Variants in MANBA observed in about 807,000 individuals in gnomAD.
MANBA encodes the protein mannosidase beta.
MANBA carries 83 observed loss-of-function variants against 111.1 expected under a neutral mutation model. The ratio of observed to expected loss-of-function variants is 0.75; its 90% confidence interval spans 0.63 to 0.90. The LOEUF is 0.90. Among genes scored for constraint, MANBA ranks in the 40% least tolerant of loss-of-function variants. The probability of loss-of-function intolerance (pLI) is 0.00; values close to 1 mark genes in which losing one functional copy is unlikely to be tolerated. For synonymous variants in MANBA, 370 were observed against 378.7 expected, an observed-to-expected ratio of 0.98 and a Z score of 0.27; for missense variants, 1,036 against 1,069.0, an observed-to-expected ratio of 0.97 and a Z score of 0.43.
At chr4:102,755,808 G>A (rs942269596) in intron 1 of MANBA, among the ~76,000 whole-genome samples, 74 of 152,270 alleles carry the variant, frequency 4.9e-4, no homozygotes, top group Non-Finnish European at 9.8e-4. Flanking sequence ...CAAAAAGTGG[G>A]CAAAGGATAT....
chr4:102,632,234 G>A lies in MANBA; in HGVS notation c.2463C>T (p.Thr821=). The change falls in exon 17 of 17, where the codon ACC becomes ACT. Residue 821 remains threonine (T), a synonymous_variant. Transcript: ENST00000647097. The part of the protein sequence containing the change: ...QGDIFVFDLE[T]SAVAPFVWLD... ...ACCAAACAAAGGGAGCGACAGCTGA[G>A]GTCTCCAGGTCAAAAACAAATATGT... 6.2e-7 allele frequency: 1 copy of A among 1,613,706 alleles called. No individual in the cohort carries two copies. Among genetic ancestry groups the A allele is most frequent in the Non-Finnish European group, 8.5e-7 (1 of 1,179,778 alleles).
At chr4:102,669,777 G>A (rs1560762403) in intron 9 of MANBA, among the ~76,000 whole-genome samples, 2 of 152,104 alleles carry the variant, frequency 1.3e-5, no homozygotes, top group Non-Finnish European at 2.9e-5. Flanking sequence ...TCAGGAGATC[G>A]AGACCATCCT....
At chr4:102,694,893 A>C (rs1198117461) in intron 5 of MANBA, among the ~76,000 whole-genome samples, 4 of 152,116 alleles carry the variant, frequency 2.6e-5, no homozygotes, top group African/African-American at 9.7e-5. Flanking sequence ...CAAGCAGAAG[A>C]GATTATGTTC....
chr4:102,714,360 C>T, intron 5 of MANBA, 78 bp downstream of exon 5: 1 of 1,333,008 alleles, frequency 7.5e-7, no homozygotes, highest in Non-Finnish European at 1.1e-6. Context: ...AAAAACATAC[C>T]TCTGTATTTC....
At chr4:102,652,616 T>C (rs1449087958) in intron 12 of MANBA, among the ~76,000 whole-genome samples, 2 of 152,120 alleles carry the variant, frequency 1.3e-5, no homozygotes, top group Non-Finnish European at 2.9e-5. Flanking sequence ...CCCGGCCGGA[T>C]GCAGTGTTTC....
chr4:102,673,391 C>A (rs1482471541), intron 8 of MANBA, among the ~76,000 whole-genome samples: 1 of 151,874 alleles, frequency 6.6e-6, no homozygotes, highest in African/African-American at 2.4e-5. Context: ...ACCTGTAATC[C>A]CAGCTACTTG....
intron 7 of MANBA, among the ~76,000 whole-genome samples, chr4:102,684,420 C>G (rs1324791277): frequency 6.6e-6 from 1 of 152,160 alleles, no homozygotes; most frequent in Admixed American, 6.6e-5. Flanking sequence ...AAGCTGAACT[C>G]ATGCATCCTC....
At position 102,632,044 on chromosome 4, in the gene MANBA, A is replaced by C. The variant is rs753746808; in HGVS notation, c.*13T>G. 1.3e-5 allele frequency: 20 copies of C among 1,566,514 alleles called. No individual in the cohort carries two copies. The Admixed American group carries it at 3.0e-4, about 24-fold the overall frequency. On this transcript the variant is annotated 3_prime_UTR_variant, in exon 17 of 17. Coordinates refer to ENST00000647097, the MANE Select transcript of MANBA (RefSeq NM_005908.4). The stretch of plus-strand genomic sequence containing the variant: ...TATTCCCATTGTCCACTGAAAATAC[A>C]ACCTAGATTCCTTCAGTAAATATCT...
chr4:102,673,016 T>C (rs1399614094), intron 8 of MANBA, among the ~76,000 whole-genome samples: 6 of 152,040 alleles, frequency 3.9e-5, no homozygotes, highest in Admixed American at 2.6e-4. Flanking sequence ...ATAGCACAAT[T>C]TTTTTAACCT....
intron 1 of MANBA, among the ~76,000 whole-genome samples, chr4:102,744,942 G>C (rs945467829): frequency 2.0e-5 from 3 of 152,152 alleles, no homozygotes; most frequent in Admixed American, 1.3e-4. Context: ...GCCAGTGTGG[G>C]GGTTTGGCTA....
chr4:102,723,666 C>A (rs962493852), intron 3 of MANBA, among the ~76,000 whole-genome samples, 196 bp downstream of exon 3: 1 of 152,210 alleles, frequency 6.6e-6, no homozygotes, highest in East Asian at 1.9e-4. Flanking sequence ...TAAATCCCCA[C>A]ACTAACCCCA....
chr4:102,646,489 A>C (rs1000409824), intron 13 of MANBA, among the ~76,000 whole-genome samples: 1 of 152,148 alleles, frequency 6.6e-6, no homozygotes, highest in Non-Finnish European at 1.5e-5. Flanking sequence ...TGAGTTTCTC[A>C]AGAACATCCC....
At chr4:102,679,239 T>C (rs1384533777) in intron 7 of MANBA, among the ~76,000 whole-genome samples, 1 of 152,022 alleles carries the variant, frequency 6.6e-6, no homozygotes, top group East Asian at 1.9e-4. Context: ...AGATTAACAT[T>C]GACATCGGCA....
At chr4:102,669,091 T>C in intron 9 of MANBA, 42 bp from the exon 10 acceptor site, 1 of 1,402,358 alleles carries the variant, frequency 7.1e-7, no homozygotes. Flanking sequence ...TTCCATAAGT[T>C]TTATTACACA....
rs533679672 is a variant in MANBA at position 102,672,242 on chromosome 4, T to A, written c.1113-844A>T. The A allele has an allele frequency of 1.5e-5, 6 of 395,406 alleles. No individual in the cohort carries two copies. In the South Asian group the frequency reaches 8.5e-4, roughly 56 times the overall value. 24.5% of individuals were successfully genotyped at this position (395,406 alleles called of 1,614,324 possible). On this transcript the variant is annotated intron_variant, in intron 8 of 16. Transcript: ENST00000647097. ...ACTGATGACATTTACATTCTAAACA[T>A]CAAATAATATACTACAATGCACATT...
rs376088243 is a variant in MANBA at position 102,645,075 on chromosome 4, G to A, written c.1870-5218C>T. On this transcript the variant is annotated intron_variant, in intron 13 of 16. Coordinates refer to ENST00000647097, the MANE Select transcript of MANBA (RefSeq NM_005908.4). Reference sequence around the variant, plus strand: ...AAGTTTTAAAATCTTTTTTTCAACAGTATAAGATTTGTCAAATGCTTTTTC... The same window carrying A: ...AAGTTTTAAAATCTTTTTTTCAACAATATAAGATTTGTCAAATGCTTTTTC... Among the ~76,000 whole-genome samples, 13 of 151,928 alleles carry A rather than the reference G, an allele frequency of 8.6e-5. No individual in the cohort carries two copies. The East Asian group carries it at 2.3e-3, about 27-fold the overall frequency.
chr4:102,702,148 G>C (rs1284287934), intron 5 of MANBA, among the ~76,000 whole-genome samples: 1 of 151,514 alleles, frequency 6.6e-6, no homozygotes, highest in African/African-American at 2.4e-5. Flanking sequence ...CCAGTTGATC[G>C]CATCGGCTCC....
At chr4:102,673,798 G>C in intron 8 of MANBA, 121 bp downstream of exon 8, 1 of 901,676 alleles carries the variant, frequency 1.1e-6, no homozygotes, top group Non-Finnish European at 1.8e-6. Context: ...CCATCGTCTA[G>C]AATTCTATAC....
intron 1 of MANBA, chr4:102,751,256 C>CA (rs1723779448): frequency 3.5e-6 from 1 of 289,720 alleles, no homozygotes. Context: ...GGAGCAGACC[C>CA]AAGGAGGAAA....
Sources: gnomAD v4.1 joint callset for allele counts (sites outside exome capture counted in the v4.1 genomes callset) on GRCh38, gnomAD v4.1.1 for gene constraint, MANE v1.5 for transcripts, NCBI Gene and HGNC (gene_info 2026-07-23, HGNC 2026-07-21) for gene names.